CGN: variants seen among roughly 807,000 people sequenced by gnomAD.
CGN encodes cingulin.
CGN carries 121 observed loss-of-function variants against 157.1 expected under a neutral mutation model. The ratio of observed to expected loss-of-function variants is 0.77; its 90% CI spans 0.66 to 0.90. The LOEUF (loss-of-function observed/expected upper bound fraction) is 0.90, where lower values mean the gene tolerates loss of function less well. Ranked by LOEUF, CGN falls within the 40% of genes least tolerant of loss-of-function variation. The probability of loss-of-function intolerance (pLI) is 0.00; values close to 1 mark genes in which losing one functional copy is unlikely to be tolerated. For missense variants in CGN, 1,424 were observed against 1,520.9 expected, an observed-to-expected ratio of 0.94 and a Z score of 1.06; for synonymous variants, 535 against 607.5, an observed-to-expected ratio of 0.88 and a Z score of 1.76.
At position 151,533,998 on chromosome 1, in the gene CGN, GCAGGCATCC is replaced by G; in HGVS notation, c.2772_2780del (p.Ser925_Ala927del). 6.2e-7 allele frequency: 1 copy of G among 1,611,408 alleles called. No individual in the cohort carries two copies. On this transcript the variant is annotated inframe_deletion, in exon 15 of 21. Transcript: ENST00000271636. ...AGATCCAGAGGCTGCGGCAGGCCCT[GCAGGCATCC>G]CAGGCTGAGCGGGACACAGCCCGGC...
At chr1:151,520,070 A>T in intron 2 of CGN, 96 bp from the exon 3 acceptor site, 1 of 880,876 alleles carries the variant, frequency 1.1e-6, no homozygotes, top group Non-Finnish European at 1.7e-6. Flanking sequence ...TGAGACTGCC[A>T]CTTCTCCTCC....
At chr1:151,528,754 C>G (rs990882105) in intron 10 of CGN, among the ~76,000 whole-genome samples, 1 of 152,086 alleles carries the variant, frequency 6.6e-6, no homozygotes, top group Non-Finnish European at 1.5e-5. Context: ...ACCATCATCA[C>G]TATTTAATTA....
At chr1:151,512,805 G>A (rs890857814) in intron 1 of CGN, among the ~76,000 whole-genome samples, 4 of 152,216 alleles carry the variant, frequency 2.6e-5, no homozygotes, top group Non-Finnish European at 5.9e-5. Flanking sequence ...CTGGCTCTGG[G>A]GGACTGCTAA....
At chr1:151,532,617 T>A in intron 14 of CGN, 45 bp downstream of exon 14, 2 of 1,161,860 alleles carry the variant, frequency 1.7e-6, no homozygotes, top group Non-Finnish European at 1.1e-6. Context: ...TGCCTCTTTT[T>A]TTTTTTTTTT....
intron 3 of CGN, 36 bp downstream of exon 3, chr1:151,520,302 C>G (rs1381832622): frequency 1.9e-6 from 3 of 1,570,560 alleles, no homozygotes; most frequent in Non-Finnish European, 2.6e-6. Context: ...GAGGCATACC[C>G]CTCCTTCTTT....
chr1:151,513,041 A>G (rs926644191), intron 1 of CGN, among the ~76,000 whole-genome samples: 1 of 152,146 alleles, frequency 6.6e-6, no homozygotes, highest in South Asian at 2.1e-4. Context: ...AGGGAGACAA[A>G]GTCTCCCTGT....
chr1:151,532,076 T>G (rs1408217364), intron 13 of CGN, among the ~76,000 whole-genome samples: 1 of 152,230 alleles, frequency 6.6e-6, no homozygotes, highest in African/African-American at 2.4e-5. Context: ...GGCACTGTTG[T>G]AAGTACAGAA....
In CGN at chr1:151,531,808, TTTATCATTTGTCAATGAAAAATGCACATC is replaced by T. The variant is rs1395984854; in HGVS notation, c.2572-507_2572-479del. The stretch of plus-strand genomic sequence containing the variant: ...GTTACATCAATTCTAAAGTGCACAT[TTTATCATTTGTCAATGAAAAATGCACATC>T]TTATCATTTGTCAATGAAAAATGCA... On this transcript the variant is annotated intron_variant, in intron 13 of 20. Transcript: ENST00000271636. Among the ~76,000 whole-genome samples, 847 of 150,852 alleles carry T rather than the reference TTTATCATTTGTCAATGAAAAATGCACATC, an allele frequency of 5.6e-3. 56 individuals carry two copies. The highest frequency in any genetic ancestry group is 8.7e-3 in the Non-Finnish European group (584 of 67,404).
Position 151,536,864 on chromosome 1 carries a change from C to A in CGN, c.3441C>A (p.Ala1147=). 1.2e-6 allele frequency: 2 copies of A among 1,614,056 alleles called. No homozygotes were observed. The highest frequency in any genetic ancestry group is 1.7e-6 in the Non-Finnish European group (2 of 1,180,014). ...EQHEVNEQLQ[A]RIKSLEKDSW... is the part of the protein sequence containing the mutation. ...ATGAGGTCAATGAACAGCTCCAGGC[C>A]CGGATCAAGTCTCTGGAGAAGGACT... The change falls in exon 20 of 21, where the codon GCC becomes GCA. Residue 1147 remains alanine, a synonymous_variant. Coordinates refer to ENST00000271636, the MANE Select transcript of CGN (RefSeq NM_020770.3).
Position 151,520,635 on chromosome 1 carries a change from G to T in CGN, c.1084G>T (p.Gly362Cys). 2 of 1,614,186 alleles carry T rather than the reference G, an allele frequency of 1.2e-6. No individual in the cohort carries two copies. Among genetic ancestry groups the T allele is most frequent in the Middle Eastern group, 1.6e-4 (1 of 6,062 alleles). The change falls in exon 5 of 21, where the codon GGT becomes TGT. Residue 362 changes from glycine to cysteine, a missense_variant. By Grantham distance (159) the Gly-to-Cys change is radical. This residue lies in a region of CGN where 1,187 missense variants were observed against 1,217.6 expected (regional missense o/e 0.97). Transcript: ENST00000271636. Reference sequence around the variant, plus strand: ...TTCTACTAAGGCCGTGGCAGGGCAGGGTGAGCTTACCCGAAAAGTGGAGGA... The same window carrying T: ...TTCTACTAAGGCCGTGGCAGGGCAGTGTGAGCTTACCCGAAAAGTGGAGGA... ...SGSTKAVAGQ[G>C]ELTRKVEELQ...
At position 151,520,254 on chromosome 1, in the gene CGN, T is replaced by A; in HGVS notation, c.962T>A (p.Ile321Asn). The change falls in exon 3 of 21, where the codon ATC (isoleucine) becomes AAC (asparagine). Residue 321 changes from isoleucine to asparagine, a missense_variant. Ile to Asn is a moderately radical substitution (Grantham distance 149). Transcript: ENST00000271636. The part of the protein sequence containing the change: ...VDHMKATIYG[I>N]LREGSSESET... ...CATATGAAGGCCACCATCTATGGCATCCTGAGGGAGGGGTGAGTGGGGGCC... is the reference window on the plus strand; with the variant it reads ...CATATGAAGGCCACCATCTATGGCAACCTGAGGGAGGGGTGAGTGGGGGCC... 2.5e-6 allele frequency: 4 copies of A among 1,613,470 alleles called. No individual in the cohort carries two copies. The highest frequency in any genetic ancestry group is 3.4e-6 in the Non-Finnish European group (4 of 1,179,710).
chr1:151,516,139 C>G (rs1308673288), intron 1 of CGN, among the ~76,000 whole-genome samples: 1 of 152,212 alleles, frequency 6.6e-6, no homozygotes, highest in African/African-American at 2.4e-5. Context: ...ACCTGTAGCT[C>G]TGCCTCTCCC....
rs773160922 is a variant in CGN at position 151,523,550 on chromosome 1, G to A, written c.1257G>A (p.Gln419=). Residue 419 remains glutamine, a synonymous_variant, in exon 6 of 21, where the codon CAG becomes CAA. Transcript: ENST00000271636. Reference sequence around the variant, plus strand: ...AGAGGAGGAAGGGGGAGGCCCAGCAGAGCAACAAGGAGTGAGTGCAGCTGG... The same window carrying A: ...AGAGGAGGAAGGGGGAGGCCCAGCAAAGCAACAAGGAGTGAGTGCAGCTGG... ...LLERRKGEAQ[Q]SNKELQNMKR... is the part of the protein sequence containing the mutation. 8 of 1,608,264 alleles carry A rather than the reference G, an allele frequency of 5.0e-6. No homozygotes were observed. Among genetic ancestry groups the A allele is most frequent in the Non-Finnish European group, 6.8e-6 (8 of 1,177,692 alleles).
At chr1:151,523,337 C>G (rs1664585153) in intron 5 of CGN, 97 bp from the exon 6 acceptor site, 5 of 1,151,432 alleles carry the variant, frequency 4.3e-6, no homozygotes, top group Non-Finnish European at 6.2e-6. Context: ...TATCATACAG[C>G]AAGTGTCCAA....
intron 10 of CGN, among the ~76,000 whole-genome samples, chr1:151,528,112 C>A (rs989347580): frequency 6.6e-6 from 1 of 151,114 alleles, no homozygotes; most frequent in Non-Finnish European, 1.5e-5. Flanking sequence ...CCCACCACCA[C>A]GCCCGGCTAA....
At chr1:151,516,101 A>C (rs894647083) in intron 1 of CGN, among the ~76,000 whole-genome samples, 1 of 152,180 alleles carries the variant, frequency 6.6e-6, no homozygotes, top group Non-Finnish European at 1.5e-5. Flanking sequence ...TCTTCTTCAG[A>C]TAGACCTTCC....
In CGN at chr1:151,530,002, G is replaced by A. The variant is rs138308940; in HGVS notation, c.2200G>A (p.Glu734Lys). Residue 734 changes from glutamate (E) to lysine (K), a missense_variant, in exon 12 of 21, where the codon GAA (glutamate) becomes AAA (lysine). This residue lies in a region of CGN where 1,187 missense variants were observed against 1,217.6 expected (regional missense o/e 0.97). Coordinates refer to ENST00000271636, the MANE Select transcript of CGN (RefSeq NM_020770.3). ...TLRETQEEND[E>K]FRRRILGLEQ... ...TCGGGAGACCCAGGAGGAAAATGAC[G>A]AATTCCGCCGGCGCATCCTGGGTTT... is the stretch of plus-strand genomic sequence containing the variant. 1.7e-5 allele frequency: 27 copies of A among 1,614,170 alleles called. No individual in the cohort carries two copies. The East Asian group carries it at 4.0e-4, about 24-fold the overall frequency.
intron 20 of CGN, 70 bp from the exon 21 acceptor site, chr1:151,537,135 T>C (rs1664985556): frequency 1.1e-5 from 17 of 1,525,030 alleles, no homozygotes; most frequent in Non-Finnish European, 1.5e-5. Flanking sequence ...GTTTCCTTTG[T>C]ACAAAAAGGG....
chr1:151,530,442 C>T, intron 12 of CGN, 47 bp from the exon 13 acceptor site: 1 of 1,508,216 alleles, frequency 6.6e-7, no homozygotes, highest in Non-Finnish European at 8.8e-7. Context: ...TGACTTGAAC[C>T]CAAGTTTTAC....
Sources: gnomAD v4.1 joint callset for allele counts (sites outside exome capture counted in the v4.1 genomes callset) on GRCh38, gnomAD v4.1.1 for gene constraint, gnomAD v4.1.1 regional missense constraint, MANE v1.5 for transcripts, NCBI Gene and HGNC (gene_info 2026-07-23, HGNC 2026-07-21) for gene names.